Variants in ARHGEF7 observed in about 807,000 individuals in gnomAD.
The protein encoded by ARHGEF7 is PAK-interacting exchange factor beta.
In ARHGEF7, 33 loss-of-function variants were observed where a neutral mutation model predicts 109.8. The observed-to-expected ratio is 0.30, with a 90% CI of 0.23 to 0.40. The LOEUF is 0.40. Among genes scored for constraint, ARHGEF7 ranks in the 10% least tolerant of loss-of-function variants. The pLI is 1.00. For synonymous variants in ARHGEF7, 458 were observed against 424.6 expected, an observed-to-expected ratio of 1.08 and a Z score of -0.97; for missense variants, 938 against 1,098.5, an observed-to-expected ratio of 0.85 and a Z score of 2.07.
intron 2 of ARHGEF7, among the ~76,000 whole-genome samples, chr13:111,161,962 T>G (rs2076777806): frequency 1.3e-5 from 2 of 152,220 alleles, no homozygotes; most frequent in African/African-American, 4.8e-5. Flanking sequence ...TCCACGGTTG[T>G]GAACAGTGGA....
intron 2 of ARHGEF7, among the ~76,000 whole-genome samples, chr13:111,161,699 G>T (rs564509133): frequency 6.6e-6 from 1 of 151,914 alleles, no homozygotes; most frequent in Non-Finnish European, 1.5e-5. Flanking sequence ...TAATGCTACC[G>T]TTTAGAGATA....
At chr13:111,128,784 A>G (rs2067750364) in intron 1 of ARHGEF7, among the ~76,000 whole-genome samples, 1 of 152,218 alleles carries the variant, frequency 6.6e-6, no homozygotes, top group African/African-American at 2.4e-5. Context: ...CTGGGTCAGA[A>G]GTCTTGCTTT....
At chr13:111,247,744 G>A (rs912774513) in intron 8 of ARHGEF7, among the ~76,000 whole-genome samples, 2 of 152,136 alleles carry the variant, frequency 1.3e-5, no homozygotes, top group Non-Finnish European at 2.9e-5. Flanking sequence ...TCACTGGCAC[G>A]TGCTGTACTT....
intron 2 of ARHGEF7, among the ~76,000 whole-genome samples, chr13:111,157,390 A>G (rs1022856465): frequency 2.0e-5 from 3 of 151,848 alleles, no homozygotes; most frequent in Non-Finnish European, 4.4e-5. Context: ...AAGAATAATG[A>G]TGATGTTGGC....
chr13:111,221,102 G>A (rs1034875178), intron 5 of ARHGEF7, among the ~76,000 whole-genome samples: 1 of 140,706 alleles, frequency 7.1e-6, no homozygotes, highest in African/African-American at 2.7e-5. Flanking sequence ...GTGGGACCTT[G>A]TGATCATGTA....
intron 2 of ARHGEF7, chr13:111,187,139 T>C: frequency 2.5e-6 from 1 of 403,978 alleles, no homozygotes; most frequent in Non-Finnish European, 3.4e-6. Flanking sequence ...TGGTGTCCCT[T>C]AGCTCTGGGG....
rs541942044 is a variant in ARHGEF7 at position 111,172,987 on chromosome 13, C to G, written c.252+18996C>G. 2.4e-3 allele frequency among the ~76,000 whole-genome samples: 371 copies of G among 152,300 alleles called. 2 individuals are homozygous for G. The highest frequency in any genetic ancestry group is 4.0e-3 in the Non-Finnish European group (273 of 68,024). On this transcript the variant is annotated intron_variant, in intron 2 of 21. Transcript: ENST00000646102. ...TCCCAAGCATTTCAGATGAGGGATG[C>G]TCAACCTGTGTATAGAAATAAAAAC...
rs1468108687 is a variant in ARHGEF7 at position 111,205,700 on chromosome 13, T to C, written c.337+327T>C. Among the ~76,000 whole-genome samples the C allele has an allele frequency of 9.2e-5, 14 of 152,202 alleles. No individual in the cohort carries two copies. In the East Asian group the frequency reaches 2.5e-3, roughly 27 times the overall value. On this transcript the variant is annotated intron_variant, in intron 3 of 21. Transcript: ENST00000646102. Reference sequence around the variant, plus strand: ...GGAGCTAGAAGCACCTTTCTCTCAGTTTTTACTGAGTGTATGCTGGTTAAA... The same window carrying C: ...GGAGCTAGAAGCACCTTTCTCTCAGCTTTTACTGAGTGTATGCTGGTTAAA...
chr13:111,301,688 T>C (rs1006725648), intron 21 of ARHGEF7, among the ~76,000 whole-genome samples, 156 bp downstream of exon 21: 1 of 151,356 alleles, frequency 6.6e-6, no homozygotes, highest in African/African-American at 2.4e-5. Context: ...AGGTCAGGAG[T>C]TCAAGACCAA....
intron 2 of ARHGEF7, among the ~76,000 whole-genome samples, chr13:111,181,267 A>G (rs905649169): frequency 2.6e-5 from 4 of 152,192 alleles, no homozygotes; most frequent in African/African-American, 9.7e-5. Flanking sequence ...TGGAATTGGT[A>G]AATTTGTGTA....
intron 8 of ARHGEF7, among the ~76,000 whole-genome samples, chr13:111,249,982 C>T (rs533720713): frequency 3.2e-4 from 48 of 152,308 alleles, no homozygotes; most frequent in African/African-American, 9.6e-4. Flanking sequence ...CTTTTGAGTG[C>T]CTCTAGGCAG....
intron 2 of ARHGEF7, among the ~76,000 whole-genome samples, chr13:111,178,333 G>A (rs1053582041): frequency 2.6e-5 from 4 of 152,172 alleles, no homozygotes; most frequent in African/African-American, 9.7e-5. Flanking sequence ...TAGATGTGCA[G>A]TCTACATTTA....
intron 11 of ARHGEF7, among the ~76,000 whole-genome samples, chr13:111,275,182 T>G (rs919048533): frequency 6.6e-6 from 1 of 152,254 alleles, no homozygotes; most frequent in African/African-American, 2.4e-5. Context: ...TTTCTGTTTC[T>G]TCTTTTCAGT....
chr13:111,228,954 G>A lies in ARHGEF7; in HGVS notation c.671-4251G>A, dbSNP rs1210245422. Among the ~76,000 whole-genome samples, 1 of 152,020 alleles carries A rather than the reference G, an allele frequency of 6.6e-6. No homozygotes were observed. Among genetic ancestry groups the A allele is most frequent in the Admixed American group, 6.6e-5 (1 of 15,260 alleles). ...ACCACTGAAACAGAGGGAAGCGGCTGGGTGGCTTCCAGTCAAGCGGAAGAG... is the reference window on the plus strand; with the variant it reads ...ACCACTGAAACAGAGGGAAGCGGCTAGGTGGCTTCCAGTCAAGCGGAAGAG... On this transcript the variant is annotated intron_variant, in intron 5 of 21. Coordinates refer to ENST00000646102, the MANE Select transcript of ARHGEF7 (RefSeq NM_001354046.2). The surrounding 1 kb of genome is among the most constrained non-coding windows in gnomAD (Gnocchi z 4.6).
Position 111,115,594 on chromosome 13 carries a change from C to T in ARHGEF7, c.68C>T (p.Thr23Ile). Reference protein sequence around the residue: ...TLGVLESPKKTISDPEGFLQA... With the variant: ...TLGVLESPKKIISDPEGFLQA... ...GGGGTGCTGGAGTCGCCCAAAAAAA[C>T]CATCTCGGACCCGGAGGGCTTTCTG... Residue 23 changes from threonine (T) to isoleucine (I), a missense_variant, in exon 1 of 22, where the codon ACC becomes ATC. Transcript: ENST00000646102. 7.0e-7 allele frequency: 1 copy of T among 1,421,354 alleles called. No individual in the cohort carries two copies. The highest frequency in any genetic ancestry group is 9.3e-7 in the Non-Finnish European group (1 of 1,071,016). 88.0% of individuals were successfully genotyped at this position (1,421,354 alleles called of 1,614,324 possible).
At chr13:111,245,403 A>G (rs1254344469) in intron 8 of ARHGEF7, among the ~76,000 whole-genome samples, 4 of 152,168 alleles carry the variant, frequency 2.6e-5, no homozygotes, top group African/African-American at 9.7e-5. Context: ...GTAGAATAAG[A>G]GAAGATGACA....
chr13:111,280,416 G>C, intron 14 of ARHGEF7, 66 bp downstream of exon 14: 1 of 1,586,510 alleles, frequency 6.3e-7, no homozygotes, highest in Non-Finnish European at 8.6e-7. Context: ...CCCGCGTGCA[G>C]ATTCTTGCTT....
At chr13:111,301,342 A>C (rs2093561867) in intron 20 of ARHGEF7, 136 bp from the exon 21 acceptor site, 1 of 701,756 alleles carries the variant, frequency 1.4e-6, no homozygotes, top group East Asian at 2.7e-5. Flanking sequence ...TTTAGTTGTG[A>C]ATGTAGACAG....
chr13:111,276,391 C>G (rs886720130), intron 12 of ARHGEF7, among the ~76,000 whole-genome samples: 4 of 152,172 alleles, frequency 2.6e-5, no homozygotes, highest in Admixed American at 1.3e-4. Context: ...TCCTTTCCAC[C>G]TGTAAAATAT....
Sources: allele counts gnomAD v4.1 joint callset (sites outside exome capture counted in the v4.1 genomes callset), GRCh38; gene constraint gnomAD v4.1.1; non-coding constraint Gnocchi (gnomAD v3.1); transcripts MANE v1.5; gene names NCBI Gene and HGNC (gene_info 2026-07-23, HGNC 2026-07-21).